PARD3: variants seen among roughly 807,000 people sequenced by gnomAD.
The protein encoded by PARD3 is par-3 family cell polarity regulator, also known as partitioning defective 3 homolog.
A neutral mutation model predicts 155.4 loss-of-function variants in PARD3; 75 were observed. The ratio of observed to expected loss-of-function variants is 0.48; its 90% CI spans 0.40 to 0.58. The LOEUF is 0.58. Ranked by LOEUF, PARD3 falls within the 20% of genes least tolerant of loss-of-function variation. The pLI, the probability that PARD3 is intolerant of heterozygous loss-of-function variation, is 0.00. For synonymous variants in PARD3, 576 were observed against 610.5 expected, an observed-to-expected ratio of 0.94 and a Z score of 0.83; for missense variants, 1,642 against 1,721.7, an observed-to-expected ratio of 0.95 and a Z score of 0.82.
chr10:34,200,831 C>T (rs1951176378), intron 22 of PARD3, among the ~76,000 whole-genome samples: 1 of 152,222 alleles, frequency 6.6e-6, no homozygotes, highest in Non-Finnish European at 1.5e-5. Context: ...GGTTTTTCAG[C>T]TGGCTGCAGT....
intron 22 of PARD3, among the ~76,000 whole-genome samples, chr10:34,140,771 C>T (rs1417927318): frequency 6.6e-6 from 1 of 152,172 alleles, no homozygotes; most frequent in Non-Finnish European, 1.5e-5. Flanking sequence ...GTAAATCCCC[C>T]ATATGTTCAC....
intron 22 of PARD3, among the ~76,000 whole-genome samples, chr10:34,204,602 G>A (rs1588747161): frequency 6.6e-6 from 1 of 152,160 alleles, no homozygotes; most frequent in South Asian, 2.1e-4. Context: ...GACAAGGAAT[G>A]AATCTCTGGG....
intron 5 of PARD3, among the ~76,000 whole-genome samples, chr10:34,432,060 A>AG (rs2075958838): frequency 6.8e-6 from 1 of 146,908 alleles, no homozygotes; most frequent in Non-Finnish European, 1.5e-5. Context: ...AAAAAAAAAA[A>AG]AAAAAAAAAA....
rs143734834 is a variant in PARD3, at chr10:34,119,873, C to T, written c.3541-133G>A. 3.8e-3 allele frequency: 3,232 copies of T among 853,918 alleles called. 6 individuals are homozygous for T. Among genetic ancestry groups the T allele is most frequent in the Non-Finnish European group, 4.4e-3 (2,643 of 602,772 alleles). 52.9% of individuals were successfully genotyped at this position (853,918 alleles called of 1,614,324 possible). A position where few individuals can be genotyped will look rare whatever the true frequency, so the allele number is the denominator to read the frequency against. ...AATTCTGTGATTTGTTTTTCAAAAT[C>T]GTTTCTTTGAGAAAAGTGGCATACA... On this transcript the variant is annotated intron_variant, in intron 23 of 24. Coordinates refer to ENST00000374788, the MANE Select transcript of PARD3 (RefSeq NM_001184785.2).
intron 22 of PARD3, among the ~76,000 whole-genome samples, chr10:34,138,133 A>G (rs909441215): frequency 6.6e-6 from 1 of 152,250 alleles, no homozygotes; most frequent in South Asian, 2.1e-4. Context: ...AAAGACAGGC[A>G]TCACATTTTA....
intron 22 of PARD3, among the ~76,000 whole-genome samples, chr10:34,268,479 C>G (rs952678706): frequency 8.0e-5 from 11 of 138,120 alleles, no homozygotes; most frequent in Non-Finnish European, 6.2e-5. Flanking sequence ...CACATGCACA[C>G]TATGTTTATT....
chr10:34,153,108 C>CT (rs34310957), intron 22 of PARD3, among the ~76,000 whole-genome samples: 7 of 151,726 alleles, frequency 4.6e-5, no homozygotes, highest in Admixed American at 3.3e-4. Flanking sequence ...TGGGGGAAAA[C>CT]TTTTTTTTTG....
chr10:34,714,819 G>A (rs2094495760), intron 1 of PARD3, among the ~76,000 whole-genome samples: 1 of 149,196 alleles, frequency 6.7e-6, no homozygotes, highest in South Asian at 2.1e-4. Context: ...CTGTCACCCA[G>A]GCTGGAGGGC....
At chr10:34,344,060 A>G in intron 15 of PARD3, 6 of 945,104 alleles carry the variant, frequency 6.3e-6, no homozygotes, top group Non-Finnish European at 7.6e-6. Flanking sequence ...CCACATATAT[A>G]TGAATATACA....
At chr10:34,790,160 C>T (rs1841464790) in intron 1 of PARD3, among the ~76,000 whole-genome samples, 1 of 152,148 alleles carries the variant, frequency 6.6e-6, no homozygotes, top group Non-Finnish European at 1.5e-5. Context: ...GGTGAGCAAG[C>T]AGTTTCTAGA....
At chr10:34,545,757 C>T (rs746279681) in intron 2 of PARD3, among the ~76,000 whole-genome samples, 1 of 152,266 alleles carries the variant, frequency 6.6e-6, no homozygotes. Context: ...GGGGTTTCAC[C>T]ATGTTGGCCA....
chr10:34,751,386 A>G (rs1021549375), intron 1 of PARD3, among the ~76,000 whole-genome samples: 2 of 152,208 alleles, frequency 1.3e-5, no homozygotes, highest in African/African-American at 2.4e-5. Context: ...TGCCATGCTG[A>G]CTTCTGATTA....
intron 22 of PARD3, among the ~76,000 whole-genome samples, chr10:34,264,744 G>T (rs1180496733): frequency 1.9e-5 from 2 of 107,962 alleles, no homozygotes; most frequent in Non-Finnish European, 3.8e-5. Flanking sequence ...GAAAAAAACT[G>T]GGATTTTTTT....
intron 22 of PARD3, among the ~76,000 whole-genome samples, chr10:34,142,433 G>A (rs1312981567): frequency 6.6e-6 from 1 of 151,930 alleles, no homozygotes; most frequent in Non-Finnish European, 1.5e-5. Context: ...TACTTGGAAG[G>A]CTGAAGCAGG....
At chr10:34,618,772 T>G (rs1055583145) in intron 2 of PARD3, among the ~76,000 whole-genome samples, 1 of 152,190 alleles carries the variant, frequency 6.6e-6, no homozygotes, top group Admixed American at 6.5e-5. Flanking sequence ...CATTCCTGTC[T>G]GGCAGAGGCA....
intron 3 of PARD3, among the ~76,000 whole-genome samples, chr10:34,490,073 G>T (rs2079787201): frequency 6.6e-6 from 1 of 152,128 alleles, no homozygotes; most frequent in Non-Finnish European, 1.5e-5. Flanking sequence ...TGGTTTATTT[G>T]CACCTTTCTC....
At chr10:34,178,413 T>C (rs1950127486) in intron 22 of PARD3, among the ~76,000 whole-genome samples, 1 of 152,018 alleles carries the variant, frequency 6.6e-6, no homozygotes, top group Non-Finnish European at 1.5e-5. Context: ...AAGACGGAGG[T>C]GCCAACATTT....
intron 1 of PARD3, among the ~76,000 whole-genome samples, chr10:34,734,977 G>A (rs2094886435): frequency 8.4e-6 from 1 of 118,422 alleles, no homozygotes; most frequent in East Asian, 2.6e-4. Context: ...CTATTACAAA[G>A]GGCTTATGGG....
chr10:34,307,788 C>T (rs541193581), intron 20 of PARD3, among the ~76,000 whole-genome samples: 14 of 152,156 alleles, frequency 9.2e-5, no homozygotes, highest in African/African-American at 2.2e-4. Context: ...TGATGATGGA[C>T]GCATCATGCA....
Sources: gnomAD v4.1 joint callset for allele counts (sites outside exome capture counted in the v4.1 genomes callset) on GRCh38, gnomAD v4.1.1 for gene constraint, MANE v1.5 for transcripts, NCBI Gene and HGNC (gene_info 2026-07-23, HGNC 2026-07-21) for gene names.